Variants in SNX13 observed in about 807,000 individuals in gnomAD.
SNX13 encodes sorting nexin-13.
A neutral mutation model predicts 133.6 loss-of-function variants in SNX13; 45 were observed. The ratio of observed to expected loss-of-function variants is 0.34; its 90% CI spans 0.27 to 0.43. The LOEUF (loss-of-function observed/expected upper bound fraction) is 0.43, where lower values mean the gene tolerates loss of function less well. Among genes scored for constraint, SNX13 ranks in the 20% least tolerant of loss-of-function variants. The pLI is 1.00. For synonymous variants in SNX13, 414 were observed against 373.9 expected (o/e 1.11, Z -1.24); for missense variants, 1,032 against 1,145.1 (o/e 0.90, Z 1.43).
intron 17 of SNX13, 52 bp downstream of exon 17, chr7:17,825,970 G>T: frequency 8.1e-7 from 1 of 1,238,224 alleles, no homozygotes; most frequent in Non-Finnish European, 1.1e-6. Flanking sequence ...ATTATTTAGG[G>T]ATATAATAAT....
chr7:17,849,880 T>C (rs979369924), intron 11 of SNX13, among the ~76,000 whole-genome samples: 2 of 152,242 alleles, frequency 1.3e-5, no homozygotes, highest in African/African-American at 4.8e-5. Flanking sequence ...GTCCAAGACA[T>C]TCTCTATACG....
At chr7:17,817,310 T>C (rs2128299427) in intron 18 of SNX13, among the ~76,000 whole-genome samples, 1 of 152,384 alleles carries the variant, frequency 6.6e-6, no homozygotes, top group Admixed American at 6.5e-5. Context: ...AACTAGTGAC[T>C]GTACCTGACC....
intron 10 of SNX13, 69 bp from the exon 11 acceptor site, chr7:17,850,504 A>G (rs778084075): frequency 2.6e-5 from 24 of 919,708 alleles, no homozygotes; most frequent in Non-Finnish European, 3.8e-5. Flanking sequence ...ACATGCACTT[A>G]CTGTAATTTA....
intron 19 of SNX13, among the ~76,000 whole-genome samples, 182 bp downstream of exon 19, chr7:17,816,000 C>T (rs1786610687): frequency 6.6e-6 from 1 of 152,126 alleles, no homozygotes; most frequent in Non-Finnish European, 1.5e-5. Flanking sequence ...TCAATACATA[C>T]AGAAATAATG....
chr7:17,931,421 T>G (rs1456015766), intron 1 of SNX13, among the ~76,000 whole-genome samples: 1 of 152,202 alleles, frequency 6.6e-6, no homozygotes, highest in East Asian at 1.9e-4. Flanking sequence ...CCACTAAAAT[T>G]GTACAACTTC....
intron 16 of SNX13, among the ~76,000 whole-genome samples, chr7:17,828,376 A>C (rs1300763763): frequency 6.6e-6 from 1 of 151,736 alleles, no homozygotes; most frequent in Non-Finnish European, 1.5e-5. Flanking sequence ...AACTCCTTGT[A>C]AGAAAGTGTT....
At chr7:17,885,871 T>C (rs1258338102) in intron 5 of SNX13, among the ~76,000 whole-genome samples, 1 of 152,178 alleles carries the variant, frequency 6.6e-6, no homozygotes, top group Non-Finnish European at 1.5e-5. Flanking sequence ...TTCTTTTAAA[T>C]ATTTAGATAA....
intron 1 of SNX13, among the ~76,000 whole-genome samples, chr7:17,924,372 A>G (rs1401793905): frequency 1.3e-5 from 2 of 152,244 alleles, no homozygotes; most frequent in Admixed American, 6.5e-5. Flanking sequence ...ATATGAAGAT[A>G]TACACATGAA....
intron 2 of SNX13, among the ~76,000 whole-genome samples, chr7:17,896,396 C>T (rs571822543): frequency 7.3e-4 from 111 of 152,270 alleles, no homozygotes; most frequent in Non-Finnish European, 1.4e-3. Flanking sequence ...AAGACTACAA[C>T]ATGACTATCA....
chr7:17,808,531 T>G (rs555393604), intron 20 of SNX13, among the ~76,000 whole-genome samples: 95 of 152,300 alleles, frequency 6.2e-4, no homozygotes, highest in Non-Finnish European at 1.1e-3. Context: ...AAAACACTCT[T>G]CAGGATATTA....
chr7:17,879,706 CTCA>C (rs901560684), intron 5 of SNX13: 2 of 152,242 alleles, frequency 1.3e-5, no homozygotes, highest in African/African-American at 2.4e-5. Flanking sequence ...CAGTGTACAG[CTCA>C]TCATCAGTAG....
At chr7:17,833,363 A>C (rs184133750) in intron 15 of SNX13, among the ~76,000 whole-genome samples, 115 of 151,832 alleles carry the variant, frequency 7.6e-4, no homozygotes, top group African/African-American at 2.6e-3. Flanking sequence ...TGACTAACGT[A>C]AGATATTATG....
At chr7:17,875,862 C>A in intron 5 of SNX13, 72 bp from the exon 6 acceptor site, 1 of 1,232,540 alleles carries the variant, frequency 8.1e-7, no homozygotes, top group South Asian at 1.7e-5. Flanking sequence ...ATTTTAATGA[C>A]TACTGACAAA....
chr7:17,815,290 T>C (rs1786534149), intron 19 of SNX13, among the ~76,000 whole-genome samples: 1 of 152,172 alleles, frequency 6.6e-6, no homozygotes, highest in African/African-American at 2.4e-5. Flanking sequence ...ATTCTAGGGT[T>C]AACATTAAAT....
chr7:17,840,136 C>A (rs1789700630), intron 12 of SNX13, 136 bp from the exon 13 acceptor site: 2 of 642,106 alleles, frequency 3.1e-6, no homozygotes, highest in Non-Finnish European at 4.7e-6. Context: ...TTTAGCAAAT[C>A]CCTGAGGTGA....
chr7:17,812,412 T>A (rs1411780829), intron 20 of SNX13, among the ~76,000 whole-genome samples: 1 of 152,124 alleles, frequency 6.6e-6, no homozygotes, highest in Non-Finnish European at 1.5e-5. Context: ...ACATCACTGG[T>A]CATTAGAGAA....
At chr7:17,909,183 T>C (rs987839130) in intron 1 of SNX13, among the ~76,000 whole-genome samples, 3 of 152,114 alleles carry the variant, frequency 2.0e-5, no homozygotes, top group African/African-American at 4.8e-5. Context: ...GAATGCCGAT[T>C]ATTAAAATGT....
intron 1 of SNX13, among the ~76,000 whole-genome samples, chr7:17,938,441 A>G (rs1161633210): frequency 6.6e-6 from 1 of 152,206 alleles, no homozygotes; most frequent in Non-Finnish European, 1.5e-5. Context: ...ACTGAAAACT[A>G]TAGGGAAGAC....
intron 18 of SNX13, among the ~76,000 whole-genome samples, chr7:17,818,907 A>C (rs1562694955): frequency 6.6e-6 from 1 of 152,188 alleles, no homozygotes; most frequent in Admixed American, 6.6e-5. Flanking sequence ...ACTTAATATG[A>C]TCATTTAAAT....
Sources: allele counts gnomAD v4.1 joint callset (sites outside exome capture counted in the v4.1 genomes callset), GRCh38; gene constraint gnomAD v4.1.1; transcripts MANE v1.5; gene names NCBI Gene and HGNC (gene_info 2026-07-23, HGNC 2026-07-21).